The following KANK1 variants were observed in gnomAD, a reference collection of about 807,000 sequenced individuals.
The protein encoded by KANK1 is KN motif and ankyrin repeat domain-containing protein 1.
KANK1 carries 109 observed loss-of-function variants against 106.2 expected under a neutral mutation model. The ratio of observed to expected loss-of-function variants is 1.03; its 90% CI spans 0.88 to 1.20. The LOEUF (loss-of-function observed/expected upper bound fraction) is 1.20, where lower values mean the gene tolerates loss of function less well. Ranked by LOEUF, KANK1 falls within the 50% of genes most tolerant of loss-of-function variation. KANK1 has a pLI of 0.00. For synonymous variants in KANK1, 873 were observed against 652.2 expected, an observed-to-expected ratio of 1.34 and a Z score of -5.16; for missense variants, 2,399 against 1,710.7, an observed-to-expected ratio of 1.40 and a Z score of -7.10.
intron 3 of KANK1, among the ~76,000 whole-genome samples, chr9:729,659 G>A (rs1281884777): frequency 6.6e-6 from 1 of 152,210 alleles, no homozygotes; most frequent in African/African-American, 2.4e-5. Context: ...CTGAGCAGTG[G>A]GTGCTTTTTA....
intron 1 of KANK1, among the ~76,000 whole-genome samples, chr9:537,513 G>T (rs916281300): frequency 5.3e-5 from 8 of 152,092 alleles, no homozygotes; most frequent in Admixed American, 3.3e-4. Flanking sequence ...AATTTGGGGG[G>T]GCTCTTTTTT....
chr9:485,295 T>G (rs1001010931), intron 3 of KANK1, among the ~76,000 whole-genome samples: 2 of 152,194 alleles, frequency 1.3e-5, no homozygotes, highest in Non-Finnish European at 2.9e-5. Context: ...AAGGAAACTG[T>G]TTTTAAGGGC....
Position 738,476 on chromosome 9 carries a change from C to T in KANK1, c.3525C>T (p.Phe1175=), listed in dbSNP as rs755649471. 2.5e-6 allele frequency: 4 copies of T among 1,614,026 alleles called. No homozygotes were observed. The highest frequency in any genetic ancestry group is 2.7e-5 in the African/African-American group (2 of 74,918). Reference sequence around the variant, plus strand: ...ATTACAGCGTGTCCCACTCCAACTTCGAGATTGTGAAGCTGCTGTTAGATG... The same window carrying T: ...ATTACAGCGTGTCCCACTCCAACTTTGAGATTGTGAAGCTGCTGTTAGATG... ...ALHYSVSHSN[F]EIVKLLLDAD... The change falls in exon 8 of 12, where the codon TTC becomes TTT. Residue 1175 remains phenylalanine, a synonymous_variant. Coordinates refer to ENST00000382297, the MANE Select transcript of KANK1 (RefSeq NM_015158.5).
At chr9:725,946 T>C (rs1423217355) in intron 3 of KANK1, among the ~76,000 whole-genome samples, 2 of 152,210 alleles carry the variant, frequency 1.3e-5, no homozygotes, top group Non-Finnish European at 2.9e-5. Context: ...TAGTAATTTA[T>C]AAAGTATAAT....
At chr9:596,392 A>G (rs1826214311) in intron 1 of KANK1, among the ~76,000 whole-genome samples, 1 of 151,802 alleles carries the variant, frequency 6.6e-6, no homozygotes, top group East Asian at 1.9e-4. Flanking sequence ...ACTGTAGGTT[A>G]AGTTCGGGTA....
chr9:685,850 A>G (rs1818431674), intron 2 of KANK1, among the ~76,000 whole-genome samples: 1 of 152,188 alleles, frequency 6.6e-6, no homozygotes, highest in African/African-American at 2.4e-5. Context: ...AATCCCATCC[A>G]TCAGCTTTGC....
intron 2 of KANK1, among the ~76,000 whole-genome samples, chr9:691,913 C>G (rs4742257): frequency 0.51 from 76,633 of 151,566 alleles, 20,613 homozygotes; most frequent in South Asian, 0.72. Flanking sequence ...CACCATGCCC[C>G]CCAAAAAGGG....
intron 2 of KANK1, among the ~76,000 whole-genome samples, chr9:687,400 T>G (rs1818825321): frequency 6.6e-6 from 1 of 152,188 alleles, no homozygotes; most frequent in African/African-American, 2.4e-5. Context: ...TATTATTCCC[T>G]TATCTTAACT....
At chr9:542,702 A>G (rs969003274) in intron 1 of KANK1, among the ~76,000 whole-genome samples, 2 of 152,232 alleles carry the variant, frequency 1.3e-5, no homozygotes, top group African/African-American at 2.4e-5. Context: ...ATATGTGTAC[A>G]CTGGAATACT....
At chr9:632,066 G>C (rs1044135861) in intron 1 of KANK1, among the ~76,000 whole-genome samples, 40 of 152,138 alleles carry the variant, frequency 2.6e-4, no homozygotes, top group Admixed American at 2.6e-3. Context: ...ATTGTGTCTA[G>C]CCTTTAACAG....
chr9:566,208 A>G (rs1384692065), intron 1 of KANK1, among the ~76,000 whole-genome samples: 5 of 152,178 alleles, frequency 3.3e-5, no homozygotes, highest in African/African-American at 7.2e-5. Flanking sequence ...TTATGGCTGC[A>G]TAGTATTTCA....
At chr9:510,164 G>A (rs2058968676) in intron 1 of KANK1, among the ~76,000 whole-genome samples, 1 of 151,934 alleles carries the variant, frequency 6.6e-6, no homozygotes, top group African/African-American at 2.4e-5. Context: ...TGTCTCATTG[G>A]GTTAAATTGC....
At position 688,206 on chromosome 9, in the gene KANK1, A is replaced by G. The variant is rs569153407; in HGVS notation, c.37+11197A>G. On this transcript the variant is annotated intron_variant, in intron 2 of 11. Transcript: ENST00000382297. ...TCACCTGGGTGTGTTTCCTGGGTGA[A>G]CAGATGGCTTTTACTGTGTCACACA... Among the ~76,000 whole-genome samples, 6 of 152,310 alleles carry G rather than the reference A, an allele frequency of 3.9e-5. No homozygotes were observed. The South Asian group carries it at 1.2e-3, about 32-fold the overall frequency.
At position 686,714 on chromosome 9, in the gene KANK1, C is replaced by T. The variant is rs942849495; in HGVS notation, c.37+9705C>T. On this transcript the variant is annotated intron_variant, in intron 2 of 11. Coordinates refer to ENST00000382297, the MANE Select transcript of KANK1 (RefSeq NM_015158.5). ...AGTGTGAGGGGAAATGGCAGCATCA[C>T]GTCATAAGTGCAATGATTGTTACCT... 5.2e-6 allele frequency: 5 copies of T among 959,926 alleles called. No individual in the cohort carries two copies. The African/African-American group carries it at 5.3e-5, about 10-fold the overall frequency. The allele number at this position is 959,926 out of a possible 1,614,324, so 59.5% of individuals were successfully genotyped here.
rs1451281959 is a variant in KANK1 at position 713,093 on chromosome 9, T to C, written c.2327T>C (p.Met776Thr). The part of the protein sequence containing the change: ...INDNYLVGLK[M>T]RTIACGPPQL... ...GACAACTATCTGGTTGGTCTCAAAA[T>C]GAGGACTATAGCTTGTGGGCCACCA... Residue 776 changes from methionine (M) to threonine (T), a missense_variant, in exon 3 of 12, where the codon ATG (methionine) becomes ACG (threonine). By Grantham distance (81) the Met-to-Thr change is moderately conservative. Transcript: ENST00000382297. 1 of 1,612,932 alleles carries C rather than the reference T, an allele frequency of 6.2e-7. No individual in the cohort carries two copies. The highest frequency in any genetic ancestry group is 1.3e-5 in the African/African-American group (1 of 74,888).
At chr9:547,526 A>G (rs1025538390) in intron 1 of KANK1, among the ~76,000 whole-genome samples, 5 of 147,512 alleles carry the variant, frequency 3.4e-5, no homozygotes, top group Admixed American at 3.4e-4. Context: ...GGTGATGGGG[A>G]GACGGATTAA....
At chr9:725,770 T>A (rs1830494290) in intron 3 of KANK1, among the ~76,000 whole-genome samples, 1 of 152,064 alleles carries the variant, frequency 6.6e-6, no homozygotes, top group Non-Finnish European at 1.5e-5. Flanking sequence ...CTCAGAGCAG[T>A]TTTAGGGCTT....
intron 1 of KANK1, among the ~76,000 whole-genome samples, chr9:654,602 C>T (rs57085420): frequency 0.21 from 32,184 of 151,682 alleles, 6,073 homozygotes; most frequent in East Asian, 0.55. Context: ...CCATTGTCTG[C>T]TTTGACCCTA....
rs760719488 is a variant in KANK1, at chr9:583,894, AAAATT to A, written c.-84+79145_-84+79149del. On this transcript the variant is annotated intron_variant, in intron 1 of 11. Transcript: ENST00000382297. ...CCAAAGATATGCTAATCAAAATTTA[AAAATT>A]AAATCTATACAATACAATTTAAAAA... is the stretch of plus-strand genomic sequence containing the variant. Among the ~76,000 whole-genome samples the A allele has an allele frequency of 1.8e-4, 27 of 152,084 alleles. 1 individual carries two copies. The highest frequency in any genetic ancestry group is 3.5e-4 in the Non-Finnish European group (24 of 67,998).
Sources: allele counts gnomAD v4.1 joint callset (sites outside exome capture counted in the v4.1 genomes callset), GRCh38; gene constraint gnomAD v4.1.1; transcripts MANE v1.5; gene names NCBI Gene and HGNC (gene_info 2026-07-23, HGNC 2026-07-21).